The following PLPPR1 variants were observed in gnomAD, a reference collection of about 807,000 sequenced individuals.
PLPPR1 encodes phospholipid phosphatase-related protein type 1.
PLPPR1 carries 10 observed loss-of-function variants against 33.1 expected under a neutral mutation model. The observed-to-expected ratio is 0.30, with a 90% CI of 0.19 to 0.51. The LOEUF is 0.51. Among genes scored for constraint, PLPPR1 ranks in the 20% least tolerant of loss-of-function variants. PLPPR1 has a pLI of 0.97. For synonymous variants in PLPPR1, 151 were observed against 151.0 expected (o/e 1.00, Z 0.00); for missense variants, 304 against 408.1 (o/e 0.74, Z 2.20).
At chr9:101,259,017 C>T (rs527881013) in intron 2 of PLPPR1, among the ~76,000 whole-genome samples, 3 of 152,140 alleles carry the variant, frequency 2.0e-5, no homozygotes, top group East Asian at 1.9e-4. Flanking sequence ...TTTTGTAGCC[C>T]AATTTAGTTT....
At chr9:101,298,487 C>T (rs1588116724) in intron 4 of PLPPR1, among the ~76,000 whole-genome samples, 2 of 152,090 alleles carry the variant, frequency 1.3e-5, no homozygotes, top group South Asian at 2.1e-4. Context: ...TACCCTGGGA[C>T]GAGCTTAATG....
At chr9:101,135,740 C>T (rs1056844273) in intron 1 of PLPPR1, among the ~76,000 whole-genome samples, 4 of 152,144 alleles carry the variant, frequency 2.6e-5, no homozygotes, top group Non-Finnish European at 5.9e-5. Flanking sequence ...TGCAGGAGTC[C>T]TTTCTTGATA....
At chr9:101,218,030 A>T (rs1267865666) in intron 2 of PLPPR1, among the ~76,000 whole-genome samples, 4 of 152,170 alleles carry the variant, frequency 2.6e-5, no homozygotes, top group African/African-American at 9.6e-5. Flanking sequence ...AATAAATCAA[A>T]ATTAGAAAAT....
intron 7 of PLPPR1, among the ~76,000 whole-genome samples, chr9:101,322,749 A>T (rs1829179300): frequency 6.6e-6 from 1 of 152,244 alleles, no homozygotes; most frequent in African/African-American, 2.4e-5. Flanking sequence ...ATCCTCAGTC[A>T]CAGGAGATTG....
intron 7 of PLPPR1, among the ~76,000 whole-genome samples, chr9:101,318,091 G>A (rs1191393369): frequency 1.3e-5 from 2 of 152,184 alleles, no homozygotes; most frequent in Non-Finnish European, 2.9e-5. Context: ...AGCACTTTTG[G>A]AGGCCAAGGT....
chr9:101,220,657 C>T (rs1826913733), intron 2 of PLPPR1, among the ~76,000 whole-genome samples: 1 of 152,192 alleles, frequency 6.6e-6, no homozygotes, highest in South Asian at 2.1e-4. Context: ...TCATGTCATA[C>T]AGCTTCATAT....
At chr9:101,053,441 C>T (rs545128079) in intron 1 of PLPPR1, among the ~76,000 whole-genome samples, 18 of 152,298 alleles carry the variant, frequency 1.2e-4, no homozygotes, top group African/African-American at 4.3e-4. Context: ...TACTCTAATG[C>T]CTCCAGAGTT....
At chr9:101,259,500 G>A (rs1827858538) in intron 2 of PLPPR1, among the ~76,000 whole-genome samples, 1 of 152,162 alleles carries the variant, frequency 6.6e-6, no homozygotes. Context: ...GGGAAGCCAA[G>A]ATCAAAGAGC....
chr9:101,170,843 G>A (rs978503033), intron 1 of PLPPR1, among the ~76,000 whole-genome samples: 3 of 152,270 alleles, frequency 2.0e-5, no homozygotes, highest in South Asian at 4.1e-4. Context: ...GGGAGGCTGA[G>A]GTAGGAGGAT....
chr9:101,236,415 T>C (rs1316627845), intron 2 of PLPPR1, among the ~76,000 whole-genome samples: 2 of 151,560 alleles, frequency 1.3e-5, no homozygotes, highest in Non-Finnish European at 3.0e-5. Flanking sequence ...CTAGGAAAAG[T>C]AATAACTATC....
chr9:101,229,932 G>T (rs1260389970), intron 2 of PLPPR1, among the ~76,000 whole-genome samples: 1 of 152,044 alleles, frequency 6.6e-6, no homozygotes, highest in Non-Finnish European at 1.5e-5. Flanking sequence ...AGTTCTTTTT[G>T]AATCAGTTAA....
At position 101,197,563 on chromosome 9, in the gene PLPPR1, C is replaced by T. The variant is rs1161360057; in HGVS notation, c.63+12006C>T. Among the ~76,000 whole-genome samples the T allele has an allele frequency of 2.6e-5, 4 of 152,188 alleles. No individual in the cohort carries two copies. In the East Asian group the frequency reaches 7.7e-4, roughly 29 times the overall value. On this transcript the variant is annotated intron_variant, in intron 2 of 7. Coordinates refer to ENST00000374874, the MANE Select transcript of PLPPR1 (RefSeq NM_207299.2). ...TTGCAGGCTCCAAGCCAGATAACCT[C>T]TCCAGTCCAACCGGGCAAGACAGAT...
At chr9:101,294,132 C>A (rs1828572987) in intron 4 of PLPPR1, among the ~76,000 whole-genome samples, 1 of 152,056 alleles carries the variant, frequency 6.6e-6, no homozygotes, top group Non-Finnish European at 1.5e-5. Context: ...CACCACCGAT[C>A]CCACAGAAAT....
At chr9:101,293,294 T>C (rs927140832) in intron 4 of PLPPR1, among the ~76,000 whole-genome samples, 1 of 151,274 alleles carries the variant, frequency 6.6e-6, no homozygotes, top group Non-Finnish European at 1.5e-5. Context: ...ACCACCCAGA[T>C]TCATAAAGCA....
chr9:101,115,790 G>A (rs1438596652), intron 1 of PLPPR1, among the ~76,000 whole-genome samples: 1 of 152,038 alleles, frequency 6.6e-6, no homozygotes, highest in East Asian at 1.9e-4. Flanking sequence ...ACTACACTTA[G>A]CTGCATCCCA....
chr9:101,234,552 A>T (rs1827256751), intron 2 of PLPPR1, among the ~76,000 whole-genome samples: 1 of 151,270 alleles, frequency 6.6e-6, no homozygotes, highest in Non-Finnish European at 1.5e-5. Context: ...TATTTTTTTA[A>T]AAAAAAAACA....
intron 1 of PLPPR1, among the ~76,000 whole-genome samples, chr9:101,179,181 A>G (rs1826062268): frequency 6.6e-6 from 1 of 152,160 alleles, no homozygotes. Flanking sequence ...GCTTAGTATT[A>G]CCATGCCTTG....
intron 4 of PLPPR1, among the ~76,000 whole-genome samples, chr9:101,297,775 C>T (rs941512910): frequency 2.6e-5 from 4 of 152,148 alleles, no homozygotes; most frequent in African/African-American, 9.7e-5. Context: ...TAAGACTCCT[C>T]TCTCTCATTT....
chr9:101,212,195 G>A (rs1209400369), intron 2 of PLPPR1, among the ~76,000 whole-genome samples: 2 of 152,066 alleles, frequency 1.3e-5, no homozygotes, highest in Admixed American at 1.3e-4. Flanking sequence ...TGATTCTCCT[G>A]CCTCAGCCTC....
Sources: gnomAD v4.1 joint callset for allele counts (sites outside exome capture counted in the v4.1 genomes callset) on GRCh38, gnomAD v4.1.1 for gene constraint, MANE v1.5 for transcripts, NCBI Gene and HGNC (gene_info 2026-07-23, HGNC 2026-07-21) for gene names.